Variants in CGGBP1 observed in about 807,000 individuals in gnomAD.
The protein encoded by CGGBP1 is CGG triplet repeat binding protein 1, also known as CGG triplet repeat-binding protein 1.
A neutral mutation model predicts 11.4 loss-of-function variants in CGGBP1; 4 were observed. The observed-to-expected ratio is 0.35, with a 90% CI of 0.17 to 0.80. The LOEUF (loss-of-function observed/expected upper bound fraction) is 0.80, where lower values mean the gene tolerates loss of function less well. CGGBP1 is among the 30% of genes least tolerant of loss of function. The probability of loss-of-function intolerance (pLI) is 0.52; values close to 1 mark genes in which losing one functional copy is unlikely to be tolerated. For missense variants in CGGBP1, 135 were observed against 202.1 expected, an observed-to-expected ratio of 0.67 and a Z score of 2.01; for synonymous variants, 76 against 74.1, an observed-to-expected ratio of 1.03 and a Z score of -0.13.
chr3:88,083,119 A>G (rs1352444149), intron 2 of CGGBP1, among the ~76,000 whole-genome samples: 1 of 150,758 alleles, frequency 6.6e-6, no homozygotes, highest in Non-Finnish European at 1.5e-5. Context: ...ATAGGACTTC[A>G]CCTTTATGAC....
In CGGBP1 at chr3:88,140,890, T is replaced by C. The variant is rs767683017; in HGVS notation, c.-229+80A>G. 5 of 1,613,500 alleles carry C rather than the reference T, an allele frequency of 3.1e-6. No individual in the cohort carries two copies. The East Asian group carries it at 8.9e-5, about 29-fold the overall frequency. Reference sequence around the variant, plus strand: ...CGCAGAAAATTTCTGACTGATAGAGTAGATGCCTGTTCTGATCAAGATAAC... The same window carrying C: ...CGCAGAAAATTTCTGACTGATAGAGCAGATGCCTGTTCTGATCAAGATAAC... On this transcript the variant is annotated intron_variant, in intron 2 of 3. Coordinates refer to the CGGBP1 transcript ENST00000462901.
At chr3:88,056,894 A>C (rs1355998010) in intron 3 of CGGBP1, 1 of 152,186 alleles carries the variant, frequency 6.6e-6, no homozygotes, top group Non-Finnish European at 1.5e-5. Flanking sequence ...TTATCCTAAT[A>C]ACACACTTTT....
rs1576234908 is a variant in CGGBP1 at position 88,084,969 on chromosome 3, C to T, written c.-228-26746G>A. ...CTGCCCTAGAGGGAGAAAATATCTT[C>T]ATTATACTGGCTATAAACAGGTTCT... On this transcript the variant is annotated intron_variant, in intron 2 of 3. Transcript: ENST00000462901. Among the ~76,000 whole-genome samples the T allele has an allele frequency of 2.6e-5, 4 of 152,320 alleles. No homozygotes were observed. The East Asian group carries it at 7.7e-4, about 29-fold the overall frequency.
In CGGBP1 at chr3:88,095,192, A is replaced by G. The variant is rs1215902907; in HGVS notation, c.-228-36969T>C. On this transcript the variant is annotated intron_variant, in intron 2 of 3. Transcript: ENST00000462901. Reference sequence around the variant, plus strand: ...CTTGTTTTGTAGGGAATAATTTTCAATGAATTCACTTTTGTTTCCTTTTTT... The same window carrying G: ...CTTGTTTTGTAGGGAATAATTTTCAGTGAATTCACTTTTGTTTCCTTTTTT... 3.3e-5 allele frequency among the ~76,000 whole-genome samples: 5 copies of G among 152,262 alleles called. No homozygotes were observed. In the East Asian group the frequency reaches 9.7e-4, roughly 29 times the overall value.
chr3:88,105,858 T>C (rs1704705644), intron 2 of CGGBP1, among the ~76,000 whole-genome samples: 1 of 152,200 alleles, frequency 6.6e-6, no homozygotes, highest in African/African-American at 2.4e-5. Flanking sequence ...TGTAACAGTA[T>C]TAAGAGGTGG....
intron 2 of CGGBP1, among the ~76,000 whole-genome samples, chr3:88,126,967 C>G (rs967542606): frequency 6.6e-6 from 1 of 152,122 alleles, no homozygotes; most frequent in South Asian, 2.1e-4. Context: ...CCAAAATTTC[C>G]TTTCAAGGCA....
chr3:88,127,413 T>C (rs1706177969), intron 2 of CGGBP1, among the ~76,000 whole-genome samples: 1 of 148,452 alleles, frequency 6.7e-6, no homozygotes, highest in East Asian at 2.0e-4. Flanking sequence ...AAAAGGACAC[T>C]GGTGTTTGAT....
intron 2 of CGGBP1, chr3:88,135,125 G>C: frequency 6.7e-7 from 1 of 1,485,604 alleles, no homozygotes; most frequent in Non-Finnish European, 8.9e-7. Flanking sequence ...AGTTTTTGTA[G>C]ATCAATGCTA....
chr3:88,073,162 A>G (rs1707612879), intron 2 of CGGBP1, among the ~76,000 whole-genome samples: 1 of 152,160 alleles, frequency 6.6e-6, no homozygotes, highest in African/African-American at 2.4e-5. Context: ...CCTGCAAACT[A>G]TTAGCAGTAC....
upstream of CGGBP1, chr3:88,059,267 T>C: frequency 2.0e-6 from 3 of 1,531,774 alleles, no homozygotes; most frequent in Non-Finnish European, 2.6e-6. Flanking sequence ...CCTAGGCATC[T>C]ACGGCGGCGG....
At chr3:88,114,601 T>C (rs2107772676) in intron 2 of CGGBP1, among the ~76,000 whole-genome samples, 1 of 152,326 alleles carries the variant, frequency 6.6e-6, no homozygotes, top group East Asian at 1.9e-4. Context: ...TTTAAAAATC[T>C]CTGCCATTTC....
At chr3:88,060,904 A>T (rs1706841454), upstream of CGGBP1, among the ~76,000 whole-genome samples, 1 of 152,116 alleles carries the variant, frequency 6.6e-6, no homozygotes. Flanking sequence ...TTTAATTTAA[A>T]TTGCCTTTTG....
chr3:88,105,091 G>A (rs1358715639), intron 2 of CGGBP1, among the ~76,000 whole-genome samples: 3 of 152,194 alleles, frequency 2.0e-5, no homozygotes, highest in Non-Finnish European at 2.9e-5. Flanking sequence ...AGTGAGCTGA[G>A]TTGCACCACT....
At chr3:88,061,635 C>T (rs1706889938), upstream of CGGBP1, among the ~76,000 whole-genome samples, 1 of 152,024 alleles carries the variant, frequency 6.6e-6, no homozygotes, top group African/African-American at 2.4e-5. Context: ...TAAAATATTC[C>T]TTTATTAAGT....
intron 2 of CGGBP1, chr3:88,139,428 A>C (rs1197351449): frequency 6.2e-7 from 1 of 1,613,774 alleles, no homozygotes; most frequent in Non-Finnish European, 8.5e-7. Context: ...CAGAGGACTT[A>C]TGCAGAAGCA....
At chr3:88,072,121 G>T (rs1462102180) in intron 2 of CGGBP1, among the ~76,000 whole-genome samples, 1 of 152,116 alleles carries the variant, frequency 6.6e-6, no homozygotes, top group East Asian at 1.9e-4. Context: ...CTTCATTTTA[G>T]TGATTATAGG....
chr3:88,085,575 A>C (rs780497410), intron 2 of CGGBP1, among the ~76,000 whole-genome samples: 1 of 152,214 alleles, frequency 6.6e-6, no homozygotes, highest in African/African-American at 2.4e-5. Context: ...CATTCTTGCA[A>C]CATAGCAATT....
chr3:88,123,872 C>A (rs1705926740), intron 2 of CGGBP1, among the ~76,000 whole-genome samples: 1 of 152,180 alleles, frequency 6.6e-6, no homozygotes, highest in South Asian at 2.1e-4. Flanking sequence ...GGGCAGTCAT[C>A]TGTATGTCTA....
intron 2 of CGGBP1, among the ~76,000 whole-genome samples, chr3:88,125,457 T>C (rs1576329834): frequency 6.6e-6 from 1 of 152,208 alleles, no homozygotes; most frequent in Non-Finnish European, 1.5e-5. Flanking sequence ...AGAAAATGTA[T>C]GGACAAATTC....
Sources: allele counts gnomAD v4.1 joint callset (sites outside exome capture counted in the v4.1 genomes callset), GRCh38; gene constraint gnomAD v4.1.1; transcripts MANE v1.5; gene names NCBI Gene and HGNC (gene_info 2026-07-23, HGNC 2026-07-21).